The following CD2AP variants were observed in gnomAD, a reference collection of about 807,000 sequenced individuals.
The protein encoded by CD2AP is CD2 associated protein, also known as CD2-associated protein.
CD2AP carries 46 observed loss-of-function variants against 85.1 expected under a neutral mutation model. That is an observed-to-expected ratio of 0.54 (90% CI 0.43 to 0.69). The LOEUF (loss-of-function observed/expected upper bound fraction) is 0.69, where lower values mean the gene tolerates loss of function less well. Among genes scored for constraint, CD2AP ranks in the 30% least tolerant of loss-of-function variants. CD2AP has a pLI of 0.00. For synonymous variants in CD2AP, 255 were observed against 252.9 expected (o/e 1.01, Z -0.08); for missense variants, 769 against 729.5 (o/e 1.05, Z -0.62).
rs576669830 is a variant in CD2AP at position 47,543,126 on chromosome 6, G to A, written c.320-1480G>A. ...AGATTGCGCCACCGCACTCCAGCCTGGGCAACAGAGCAAGACTGTCTCAAA... is the reference window on the plus strand; with the variant it reads ...AGATTGCGCCACCGCACTCCAGCCTAGGCAACAGAGCAAGACTGTCTCAAA... On this transcript the variant is annotated intron_variant, in intron 3 of 17. Transcript: ENST00000359314. 2.3e-5 allele frequency among the ~76,000 whole-genome samples: 3 copies of A among 129,144 alleles called. No homozygotes were observed. In the South Asian group the frequency reaches 7.5e-4, roughly 32 times the overall value. 84.7% of individuals were successfully genotyped at this position (129,144 alleles called of 152,430 possible).
chr6:47,612,661 A>G, intron 17 of CD2AP, 125 bp downstream of exon 17: 1 of 699,816 alleles, frequency 1.4e-6, no homozygotes. Context: ...CATACACACA[A>G]TGGACTACTA....
At chr6:47,611,639 C>T (rs1040710181) in intron 16 of CD2AP, among the ~76,000 whole-genome samples, 2 of 151,722 alleles carry the variant, frequency 1.3e-5, no homozygotes, top group Non-Finnish European at 2.9e-5. Context: ...GTTATTTCTA[C>T]AGTATTCTCA....
At chr6:47,583,722 A>G (rs1232454847) in intron 11 of CD2AP, among the ~76,000 whole-genome samples, 1 of 152,200 alleles carries the variant, frequency 6.6e-6, no homozygotes, top group African/African-American at 2.4e-5. Flanking sequence ...GGGAGCTGCT[A>G]TAAATGTGTG....
At chr6:47,515,154 T>C (rs1766420661) in intron 2 of CD2AP, among the ~76,000 whole-genome samples, 1 of 152,112 alleles carries the variant, frequency 6.6e-6, no homozygotes. Context: ...TAATTTATGA[T>C]AAAAAGATAA....
At chr6:47,603,092 G>A (rs1769183598) in intron 13 of CD2AP, among the ~76,000 whole-genome samples, 1 of 151,628 alleles carries the variant, frequency 6.6e-6, no homozygotes, top group African/African-American at 2.4e-5. Context: ...TTTTCTAATA[G>A]GTACCTGTTG....
chr6:47,582,563 C>T (rs1022803823), intron 11 of CD2AP, among the ~76,000 whole-genome samples: 1 of 152,130 alleles, frequency 6.6e-6, no homozygotes, highest in African/African-American at 2.4e-5. Flanking sequence ...TCTCATTGCA[C>T]ATAAAGATTT....
chr6:47,493,354 GT>G (rs11420174), intron 1 of CD2AP, among the ~76,000 whole-genome samples: 3 of 144,580 alleles, frequency 2.1e-5, no homozygotes, highest in Admixed American at 6.9e-5. Flanking sequence ...CTAGGTTGGT[GT>G]TTTTTTTTTT....
intron 11 of CD2AP, among the ~76,000 whole-genome samples, chr6:47,588,254 T>C (rs1031839947): frequency 2.0e-5 from 3 of 152,174 alleles, no homozygotes. Flanking sequence ...TGTTACATAT[T>C]AGTTTAGATG....
intron 2 of CD2AP, among the ~76,000 whole-genome samples, chr6:47,512,353 A>G (rs1480278796): frequency 6.6e-6 from 1 of 152,138 alleles, no homozygotes; most frequent in Non-Finnish European, 1.5e-5. Flanking sequence ...AAAAAAACAA[A>G]CATAAAAAGG....
At chr6:47,499,978 C>G (rs1345298115) in intron 1 of CD2AP, among the ~76,000 whole-genome samples, 1 of 152,152 alleles carries the variant, frequency 6.6e-6, no homozygotes, top group Admixed American at 6.6e-5. Flanking sequence ...ATCCACCCAC[C>G]TCAGCCTCCC....
At position 47,625,002 on chromosome 6, in the gene CD2AP, T is replaced by G. The variant is rs1165622339; in HGVS notation, c.*775T>G. 6.6e-6 allele frequency: 1 copy of G among 151,944 alleles called. No individual in the cohort carries two copies. Among genetic ancestry groups the G allele is most frequent in the Middle Eastern group, 3.2e-3 (1 of 316 alleles). 9.4% of individuals were successfully genotyped at this position (151,944 alleles called of 1,614,324 possible). ...ACATTTGGGGAAATATGAACTGTAT[T>G]TTAAATTTGTTAGGTCTGAAGAATC... On this transcript the variant is annotated 3_prime_UTR_variant, in exon 18 of 18. Coordinates refer to ENST00000359314, the MANE Select transcript of CD2AP (RefSeq NM_012120.3).
intron 10 of CD2AP, among the ~76,000 whole-genome samples, chr6:47,581,555 G>A (rs1224468951): frequency 6.6e-6 from 1 of 152,104 alleles, no homozygotes; most frequent in Admixed American, 6.5e-5. Context: ...TTTTATAGAA[G>A]TTGGTGTTGA....
intron 4 of CD2AP, among the ~76,000 whole-genome samples, chr6:47,553,737 A>G (rs1049540721): frequency 1.3e-5 from 2 of 152,182 alleles, no homozygotes; most frequent in Middle Eastern, 3.4e-3. Context: ...TAAAGTTATT[A>G]AATATTAAAA....
intron 1 of CD2AP, among the ~76,000 whole-genome samples, chr6:47,479,594 G>A (rs1467565653): frequency 6.6e-6 from 1 of 152,150 alleles, no homozygotes; most frequent in African/African-American, 2.4e-5. Context: ...AGCTTGCAGG[G>A]CAATTGTGGG....
intron 5 of CD2AP, among the ~76,000 whole-genome samples, chr6:47,555,804 A>AT (rs35797696): frequency 0.27 from 40,842 of 149,852 alleles, 5,686 homozygotes; most frequent in African/African-American, 0.33. Flanking sequence ...AACAGGAATA[A>AT]TTTTTTTTTT....
chr6:47,623,801 T>C (rs1769824621), intron 17 of CD2AP, among the ~76,000 whole-genome samples: 1 of 152,162 alleles, frequency 6.6e-6, no homozygotes. Flanking sequence ...TAAACAGGTC[T>C]CTATTCTTTT....
chr6:47,556,785 ATG>A (rs373087810), intron 5 of CD2AP, among the ~76,000 whole-genome samples: 2 of 152,036 alleles, frequency 1.3e-5, no homozygotes, highest in African/African-American at 4.8e-5. Flanking sequence ...CATTAAACAT[ATG>A]TGTGTGTGTG....
intron 2 of CD2AP, among the ~76,000 whole-genome samples, chr6:47,507,424 A>C (rs1007345444): frequency 3.3e-5 from 5 of 152,152 alleles, no homozygotes; most frequent in Admixed American, 3.3e-4. Flanking sequence ...CTTTGCCCAG[A>C]TTGAGCAGAA....
chr6:47,576,806 C>A (rs1768325924), intron 7 of CD2AP, among the ~76,000 whole-genome samples: 1 of 152,058 alleles, frequency 6.6e-6, no homozygotes, highest in South Asian at 2.1e-4. Flanking sequence ...CCTGGAACAT[C>A]ACAAACAGTA....
Sources: allele counts gnomAD v4.1 joint callset (sites outside exome capture counted in the v4.1 genomes callset), GRCh38; gene constraint gnomAD v4.1.1; transcripts MANE v1.5; gene names NCBI Gene and HGNC (gene_info 2026-07-23, HGNC 2026-07-21).